ORC3: variants seen among roughly 807,000 people sequenced by gnomAD.
ORC3 encodes origin recognition complex subunit 3, also known as homolog of latheo, Drosophila.
A neutral mutation model predicts 100.7 loss-of-function variants in ORC3; 78 were observed. That is an observed-to-expected ratio of 0.77 (90% CI 0.65 to 0.94). The LOEUF is 0.94. ORC3 is among the 40% of genes least tolerant of loss of function. The pLI is 0.00. For missense variants in ORC3, 789 were observed against 823.9 expected (o/e 0.96, Z 0.52); for synonymous variants, 295 against 289.3 (o/e 1.02, Z -0.20).
chr6:87,591,349 T>C (rs530597714), intron 1 of ORC3, among the ~76,000 whole-genome samples: 1 of 151,750 alleles, frequency 6.6e-6, no homozygotes, highest in East Asian at 1.9e-4. Flanking sequence ...TGAAGAAGGC[T>C]ATGTCATGGA....
intron 19 of ORC3, among the ~76,000 whole-genome samples, chr6:87,666,333 T>G (rs547936894): frequency 1.1e-4 from 16 of 152,006 alleles, no homozygotes; most frequent in Non-Finnish European, 2.1e-4. Flanking sequence ...GGTTTCACCA[T>G]GTTGGCCAGG....
chr6:87,607,813 A>T lies in ORC3; in HGVS notation c.568A>T (p.Thr190Ser). 6.2e-7 allele frequency: 1 copy of T among 1,608,200 alleles called. No homozygotes were observed. Among genetic ancestry groups the T allele is most frequent in the Non-Finnish European group, 8.5e-7 (1 of 1,176,892 alleles). ...GGATTCACTTTCCAGTTGGTATATG[A>T]CTGTCACACAGGTAGATATAAACTG... ...SMDSLSSWYMTVTQKTDPKML... is the reference protein window; with the variant it reads ...SMDSLSSWYMSVTQKTDPKML... The change falls in exon 6 of 20, where the codon ACT (threonine) becomes TCT (serine). Residue 190 changes from threonine to serine, a missense_variant. Physicochemically the swap from Thr to Ser is moderately conservative, Grantham distance 58. This residue lies in a region of ORC3 where 399 missense variants were observed against 382.0 expected (regional missense o/e 1.04). Transcript: ENST00000392844.
chr6:87,662,628 A>T (rs2128295250), intron 16 of ORC3, among the ~76,000 whole-genome samples: 1 of 152,336 alleles, frequency 6.6e-6, no homozygotes, highest in South Asian at 2.1e-4. Flanking sequence ...ATTTACTTTA[A>T]GAAATGCTAT....
intron 13 of ORC3, among the ~76,000 whole-genome samples, chr6:87,640,798 G>C (rs187213654): frequency 2.0e-5 from 3 of 152,018 alleles, no homozygotes; most frequent in African/African-American, 4.8e-5. Flanking sequence ...AGGTTTTAAG[G>C]GTTATTGTAA....
chr6:87,675,665 C>G, the ORC3 span: 1 of 1,600,348 alleles, frequency 6.2e-7, no homozygotes, highest in Non-Finnish European at 8.5e-7. Context: ...CAAACGAATA[C>G]TAGATCTTGA....
intron 13 of ORC3, among the ~76,000 whole-genome samples, chr6:87,641,916 C>G (rs574042661): frequency 6.6e-6 from 1 of 152,144 alleles, no homozygotes; most frequent in African/African-American, 2.4e-5. Flanking sequence ...TGACACAGCT[C>G]CACAATCTAT....
intron 16 of ORC3, among the ~76,000 whole-genome samples, chr6:87,658,326 G>A (rs1430969396): frequency 1.3e-5 from 2 of 152,006 alleles, no homozygotes; most frequent in African/African-American, 4.8e-5. Flanking sequence ...GTGTGGTGGT[G>A]GGCACCTGTA....
At chr6:87,672,562 G>GT in the ORC3 span, among the ~76,000 whole-genome samples, 3 of 152,284 alleles carry the variant, frequency 2.0e-5, no homozygotes, top group South Asian at 6.2e-4. Context: ...ACCAATTACT[G>GT]TAAGAGTTTG....
At chr6:87,631,990 C>T (rs944616077) in intron 11 of ORC3, among the ~76,000 whole-genome samples, 6 of 151,882 alleles carry the variant, frequency 4.0e-5, no homozygotes, top group African/African-American at 1.5e-4. Flanking sequence ...CAGTGAAACC[C>T]CATCTCTGCT....
intron 11 of ORC3, among the ~76,000 whole-genome samples, chr6:87,626,038 G>T (rs1321637017): frequency 6.6e-6 from 1 of 152,096 alleles, no homozygotes; most frequent in African/African-American, 2.4e-5. Flanking sequence ...CTGTTCCATT[G>T]GTCCATATCT....
intron 17 of ORC3, among the ~76,000 whole-genome samples, chr6:87,663,549 A>G (rs1770370115): frequency 1.3e-5 from 2 of 152,252 alleles, no homozygotes; most frequent in African/African-American, 2.4e-5. Context: ...AGTGGGAAAG[A>G]GAAATACTTT....
At chr6:87,633,802 G>T (rs1422611651) in intron 11 of ORC3, among the ~76,000 whole-genome samples, 1 of 152,140 alleles carries the variant, frequency 6.6e-6, no homozygotes, top group African/African-American at 2.4e-5. Context: ...AGAGTAAGTG[G>T]TTATAAAAGG....
At chr6:87,654,894 CTAAA>C (rs1299914354) in intron 14 of ORC3, among the ~76,000 whole-genome samples, 1 of 152,026 alleles carries the variant, frequency 6.6e-6, no homozygotes, top group Non-Finnish European at 1.5e-5. Context: ...TATGCTAGAG[CTAAA>C]TAAAGGAATG....
intron 17 of ORC3, among the ~76,000 whole-genome samples, chr6:87,664,044 GTTAATT>G: frequency 6.6e-6 from 1 of 152,110 alleles, no homozygotes; most frequent in East Asian, 1.9e-4. Flanking sequence ...CAAAAAATCA[GTTAATT>G]TTAATATATA....
Position 87,667,167 on chromosome 6 carries a change from G to GA in ORC3, c.*49dup. The GA allele has an allele frequency of 8.5e-7, 1 of 1,173,174 alleles. No homozygotes were observed. Among genetic ancestry groups the GA allele is most frequent in the South Asian group, 1.3e-5 (1 of 76,182 alleles). 72.7% of individuals were successfully genotyped at this position (1,173,174 alleles called of 1,614,324 possible). A position where few individuals can be genotyped will look rare whatever the true frequency, so the allele number is the denominator to read the frequency against. ...CAGAACTATCACATTTAGCTTAAGA[G>GA]AAAAAGGTGACCAGTCATATTTACA... On this transcript the variant is annotated 3_prime_UTR_variant, in exon 20 of 20. Transcript: ENST00000392844.
intron 13 of ORC3, among the ~76,000 whole-genome samples, chr6:87,647,546 A>T (rs1406347742): frequency 6.6e-6 from 1 of 152,180 alleles, no homozygotes. Context: ...CATAACATTT[A>T]TCAATTTTTA....
intron 2 of ORC3, among the ~76,000 whole-genome samples, chr6:87,595,772 C>T (rs542600326): frequency 3.3e-5 from 5 of 152,274 alleles, no homozygotes; most frequent in South Asian, 2.1e-4. Flanking sequence ...CTCAGACATA[C>T]GCATACTCAC....
chr6:87,654,237 T>C (rs1769491446), intron 14 of ORC3, among the ~76,000 whole-genome samples: 1 of 152,238 alleles, frequency 6.6e-6, no homozygotes, highest in Admixed American at 6.5e-5. Context: ...AATCTTCCCA[T>C]ATCTCTCCAT....
At chr6:87,623,429 G>T (rs1779668524) in intron 11 of ORC3, among the ~76,000 whole-genome samples, 1 of 152,222 alleles carries the variant, frequency 6.6e-6, no homozygotes, top group Admixed American at 6.5e-5. Context: ...TTGGAGATTA[G>T]CTAGATTAGC....
Sources: allele counts gnomAD v4.1 joint callset (sites outside exome capture counted in the v4.1 genomes callset), GRCh38; gene constraint gnomAD v4.1.1; regional missense constraint gnomAD v4.1.1; transcripts MANE v1.5; gene names NCBI Gene and HGNC (gene_info 2026-07-23, HGNC 2026-07-21).